Variants in SLC22A14 observed in about 807,000 individuals in gnomAD.
SLC22A14 encodes the protein solute carrier family 22 member 14, also known as organic cation transporter-like 4.
Under a neutral mutation model 53.9 loss-of-function variants are expected in SLC22A14, and 50 were observed. The ratio of observed to expected loss-of-function variants is 0.93; its 90% CI spans 0.74 to 1.17. The LOEUF is 1.17. SLC22A14 is among the 50% of genes most tolerant of loss of function. The pLI is 0.00. For synonymous variants in SLC22A14, 312 were observed against 303.0 expected, an observed-to-expected ratio of 1.03 and a Z score of -0.31; for missense variants, 671 against 734.7, an observed-to-expected ratio of 0.91 and a Z score of 1.00.
chr3:38,302,009 G>T (rs1704171413), intron 1 of SLC22A14, among the ~76,000 whole-genome samples: 1 of 150,906 alleles, frequency 6.6e-6, no homozygotes, highest in Non-Finnish European at 1.5e-5. Flanking sequence ...AGGGCAGGCG[G>T]ATCACCCAAG....
At chr3:38,289,180 CAAA>C (rs1173451784) in intron 1 of SLC22A14, among the ~76,000 whole-genome samples, 26 of 52,988 alleles carry the variant, frequency 4.9e-4, no homozygotes, top group African/African-American at 1.1e-3. Flanking sequence ...TCTATCTCTA[CAAA>C]AAAAAAAAAA....
At chr3:38,297,551 G>A (rs1202544092) in intron 1 of SLC22A14, among the ~76,000 whole-genome samples, 54 of 152,038 alleles carry the variant, frequency 3.6e-4, no homozygotes, top group Non-Finnish European at 1.2e-4. Flanking sequence ...TTGCTGCATG[G>A]ATCAATCCAT....
upstream of SLC22A14, among the ~76,000 whole-genome samples, chr3:38,281,202 C>T (rs1703661925): frequency 6.6e-6 from 1 of 152,082 alleles, no homozygotes; most frequent in Non-Finnish European, 1.5e-5. Flanking sequence ...AGTGCCCTGC[C>T]CCCAAACAAG....
In SLC22A14 at chr3:38,313,442, A is replaced by ACCC. The variant is rs746283515; in HGVS notation, c.1120_1121insCCC (p.Asn374delinsThrHis). ...GGCCTCTGTCCTGGACTTCTGTAAG[A>ACCC]ATAGGCAGCTCTGCAAGGTGACCTT... On this transcript the variant is annotated protein_altering_variant, in exon 7 of 11. Coordinates refer to ENST00000448498, the MANE Select transcript of SLC22A14 (RefSeq NM_001320033.2). 3 of 1,613,930 alleles carry ACCC rather than the reference A, an allele frequency of 1.9e-6. No individual in the cohort carries two copies. The East Asian group carries it at 6.7e-5, about 36-fold the overall frequency.
In SLC22A14 at chr3:38,295,312, C is replaced by A. The variant is rs2106078; in HGVS notation, c.1-10715C>A. Among the ~76,000 whole-genome samples, 3 of 152,382 alleles carry A rather than the reference C, an allele frequency of 2.0e-5. No homozygotes were observed. In the East Asian group the frequency reaches 5.8e-4, roughly 29 times the overall value. Reference sequence around the variant, plus strand: ...TTAAGATTTTTGAGTTAGTAAGCTACCTTTTTGCTTTTTTGACTTAGAATA... The same window carrying A: ...TTAAGATTTTTGAGTTAGTAAGCTAACTTTTTGCTTTTTTGACTTAGAATA... On this transcript the variant is annotated intron_variant, in intron 1 of 10. Transcript: ENST00000448498.
rs1243967976 is a variant in SLC22A14, at chr3:38,318,283, G to A, written c.*34G>A. On this transcript the variant is annotated 3_prime_UTR_variant, in exon 11 of 11. Transcript: ENST00000448498. The stretch of plus-strand genomic sequence containing the variant: ...CCAAGAATGTCATTCTCAATGCCCA[G>A]ATCCTGAGATTGGACCCATACCCTG... 6.3e-7 allele frequency: 1 copy of A among 1,591,622 alleles called. No individual in the cohort carries two copies. The highest frequency in any genetic ancestry group is 1.3e-5 in the African/African-American group (1 of 74,524).
At chr3:38,303,226 TC>T (rs1704211708) in intron 1 of SLC22A14, among the ~76,000 whole-genome samples, 1 of 152,150 alleles carries the variant, frequency 6.6e-6, no homozygotes, top group Non-Finnish European at 1.5e-5. Flanking sequence ...TGTTTCTAGT[TC>T]CTTAATTTTT....
chr3:38,311,290 G>A (rs1178418238), intron 5 of SLC22A14, among the ~76,000 whole-genome samples: 1 of 152,150 alleles, frequency 6.6e-6, no homozygotes, highest in Non-Finnish European at 1.5e-5. Context: ...GGCAGTCTGG[G>A]CCTGTGATGG....
intron 1 of SLC22A14, among the ~76,000 whole-genome samples, chr3:38,293,627 T>C (rs1703960635): frequency 6.6e-6 from 1 of 152,238 alleles, no homozygotes; most frequent in South Asian, 2.1e-4. Flanking sequence ...AGGATTTTCT[T>C]CCTTTCCATG....
intron 1 of SLC22A14, among the ~76,000 whole-genome samples, chr3:38,291,424 T>C (rs1438604651): frequency 6.6e-6 from 1 of 152,238 alleles, no homozygotes; most frequent in Non-Finnish European, 1.5e-5. Flanking sequence ...CTTCAAGTAA[T>C]AGAGGCTGAT....
chr3:38,280,100 C>A (rs966573644), upstream of SLC22A14, among the ~76,000 whole-genome samples: 1 of 152,152 alleles, frequency 6.6e-6, no homozygotes, highest in Non-Finnish European at 1.5e-5. Context: ...CATACTCACT[C>A]CCCCCGTACC....
chr3:38,315,270 A>G (rs902630221), intron 8 of SLC22A14, among the ~76,000 whole-genome samples: 1 of 152,276 alleles, frequency 6.6e-6, no homozygotes, highest in Non-Finnish European at 1.5e-5. Context: ...AGGAGGTGGA[A>G]CGAAGACACA....
At position 38,307,269 on chromosome 3, in the gene SLC22A14, G is replaced by C. The variant is rs772122096; in HGVS notation, c.532G>C (p.Gly178Arg). 2.5e-6 allele frequency: 4 copies of C among 1,613,818 alleles called. No homozygotes were observed. Among genetic ancestry groups the C allele is most frequent in the Non-Finnish European group, 3.4e-6 (4 of 1,179,670 alleles). Residue 178 changes from glycine (G) to arginine (R), a missense_variant, in exon 3 of 11, where the codon GGC becomes CGC. Physicochemically the swap from Gly to Arg is moderately radical, Grantham distance 125 (BLOSUM62 -2). Coordinates refer to ENST00000448498, the MANE Select transcript of SLC22A14 (RefSeq NM_001320033.2). The surrounding 1 kb of genome is among the most constrained non-coding windows in gnomAD (Gnocchi z 4.4). ...SLINEFDLVC[G>R]METKKDTAQI... ...TGACCCACAGTTTGACTTGGTATGTGGCATGGAGACGAAGAAGGACACTGC... is the reference window on the plus strand; with the variant it reads ...TGACCCACAGTTTGACTTGGTATGTCGCATGGAGACGAAGAAGGACACTGC...
At chr3:38,279,764 T>C (rs1022147727), upstream of SLC22A14, among the ~76,000 whole-genome samples, 1 of 152,100 alleles carries the variant, frequency 6.6e-6, no homozygotes, top group African/African-American at 2.4e-5. Flanking sequence ...GGAGAAGATA[T>C]GCAGCTTCAC....
upstream of SLC22A14, among the ~76,000 whole-genome samples, chr3:38,280,549 A>G (rs1179909810): frequency 6.6e-6 from 1 of 152,138 alleles, no homozygotes; most frequent in Non-Finnish European, 1.5e-5. Flanking sequence ...TCTTTAGCCT[A>G]TGAGCCTCCA....
rs1430489601 is a variant in SLC22A14, at chr3:38,309,196, T to C, written c.944+74T>C. Reference sequence around the variant, plus strand: ...GATGTCGATGAGTATGGAGGGTCCTTGAAGCTGTGGGAATGGGTGGGATTT... The same window carrying C: ...GATGTCGATGAGTATGGAGGGTCCTCGAAGCTGTGGGAATGGGTGGGATTT... On this transcript the variant is annotated intron_variant, in intron 5 of 10. Coordinates refer to ENST00000448498, the MANE Select transcript of SLC22A14 (RefSeq NM_001320033.2). 3 of 1,330,700 alleles carry C rather than the reference T, an allele frequency of 2.3e-6. No homozygotes were observed. In the East Asian group the frequency reaches 6.9e-5, roughly 31 times the overall value. The allele number at this position is 1,330,700 out of a possible 1,614,324, so 82.4% of individuals were successfully genotyped here. A position where few individuals can be genotyped will look rare whatever the true frequency, so the allele number is the denominator to read the frequency against.
At chr3:38,314,496 A>T (rs1704569668) in intron 8 of SLC22A14, among the ~76,000 whole-genome samples, 1 of 152,222 alleles carries the variant, frequency 6.6e-6, no homozygotes, top group Admixed American at 6.5e-5. Context: ...AAAAGGAAAC[A>T]GGAAGGGCTG....
chr3:38,301,311 G>T (rs4679030), intron 1 of SLC22A14, among the ~76,000 whole-genome samples: 11,159 of 152,258 alleles, frequency 0.073, 488 homozygotes, highest in East Asian at 0.16. Context: ...CAGTTTGCAT[G>T]CCCATCAGCA....
At chr3:38,302,617 A>C (rs1337029318) in intron 1 of SLC22A14, among the ~76,000 whole-genome samples, 2 of 152,148 alleles carry the variant, frequency 1.3e-5, no homozygotes, top group East Asian at 3.8e-4. Flanking sequence ...AGACTGTGCC[A>C]CTGCACCCTA....
Sources: allele counts gnomAD v4.1 joint callset (sites outside exome capture counted in the v4.1 genomes callset), GRCh38; gene constraint gnomAD v4.1.1; non-coding constraint Gnocchi (gnomAD v3.1); transcripts MANE v1.5; gene names NCBI Gene and HGNC (gene_info 2026-07-23, HGNC 2026-07-21).